LRGUK: variants seen among roughly 807,000 people sequenced by gnomAD.
The protein encoded by LRGUK is leucine-rich repeat and guanylate kinase domain-containing protein.
In LRGUK, 65 loss-of-function variants were observed where a neutral mutation model predicts 76.0. That is an observed-to-expected ratio of 0.85 (90% CI 0.70 to 1.05). The LOEUF (loss-of-function observed/expected upper bound fraction) is 1.05, where lower values mean the gene tolerates loss of function less well. LRGUK is among the 50% of genes least tolerant of loss of function. The pLI, the probability that LRGUK is intolerant of heterozygous loss-of-function variation, is 0.00. For missense variants in LRGUK, 758 were observed against 732.8 expected (o/e 1.03, Z -0.40); for synonymous variants, 268 against 265.6 (o/e 1.01, Z -0.09).
chr7:134,137,184 A>G (rs1797575872), intron 2 of LRGUK, 54 bp downstream of exon 2: 2 of 1,313,446 alleles, frequency 1.5e-6, no homozygotes, highest in South Asian at 1.3e-5. Flanking sequence ...TGGCTAGACC[A>G]TATTCATTTT....
chr7:134,262,355 C>A (rs1802750256), intron 19 of LRGUK, among the ~76,000 whole-genome samples: 1 of 152,112 alleles, frequency 6.6e-6, no homozygotes, highest in Admixed American at 6.6e-5. Context: ...GGCTGGGTGC[C>A]AAAGCGAGAC....
At chr7:134,187,295 T>C (rs1251776895) in intron 11 of LRGUK, among the ~76,000 whole-genome samples, 1 of 152,186 alleles carries the variant, frequency 6.6e-6, no homozygotes, top group African/African-American at 2.4e-5. Context: ...TTTTTAATTA[T>C]GTGAAAAGAA....
At chr7:134,197,918 A>C (rs572661717) in intron 13 of LRGUK, among the ~76,000 whole-genome samples, 1 of 152,370 alleles carries the variant, frequency 6.6e-6, no homozygotes, top group African/African-American at 2.4e-5. Flanking sequence ...GGAATTAAAA[A>C]AAAAGCAATT....
intron 19 of LRGUK, among the ~76,000 whole-genome samples, chr7:134,260,108 T>G (rs148194641): frequency 5.3e-5 from 8 of 152,254 alleles, no homozygotes; most frequent in African/African-American, 9.6e-5. Flanking sequence ...TGCACAATAT[T>G]GGGCAAATCA....
chr7:134,188,640 G>A (rs910452866), intron 11 of LRGUK, among the ~76,000 whole-genome samples: 1 of 152,128 alleles, frequency 6.6e-6, no homozygotes, highest in African/African-American at 2.4e-5. Context: ...CACTTAAATT[G>A]TGTCCAGCAA....
intron 1 of LRGUK, among the ~76,000 whole-genome samples, chr7:134,136,783 A>G (rs1184611771): frequency 6.6e-6 from 1 of 152,198 alleles, no homozygotes; most frequent in African/African-American, 2.4e-5. Flanking sequence ...TTGAATGCCT[A>G]ATGCAAGTGA....
At chr7:134,193,386 G>T (rs1226415070) in intron 12 of LRGUK, among the ~76,000 whole-genome samples, 1 of 152,152 alleles carries the variant, frequency 6.6e-6, no homozygotes, top group East Asian at 1.9e-4. Context: ...GTTAGAGTAT[G>T]AGGCAATTTT....
chr7:134,143,120 T>A (rs776318695), exon 4 of LRGUK: 2 of 1,610,688 alleles, frequency 1.2e-6, no homozygotes, highest in Non-Finnish European at 1.7e-6. Flanking sequence ...CTCAAAATAA[T>A]TTGACTACGT....
intron 5 of LRGUK, 150 bp from the exon 6 acceptor site, chr7:134,157,885 T>C: frequency 1.9e-6 from 1 of 532,444 alleles, no homozygotes; most frequent in South Asian, 3.9e-5. Flanking sequence ...AAAAATATAT[T>C]TCAGGATTAA....
At chr7:134,215,743 A>G (rs1445510494) in intron 15 of LRGUK, among the ~76,000 whole-genome samples, 8 of 152,182 alleles carry the variant, frequency 5.3e-5, no homozygotes, top group Non-Finnish European at 5.9e-5. Context: ...TTTATATACT[A>G]TGTAGCACAG....
intron 3 of LRGUK, chr7:134,141,645 G>A (rs1797770291): frequency 1.3e-5 from 2 of 152,174 alleles, no homozygotes; most frequent in African/African-American, 2.4e-5. Flanking sequence ...GCTTCAAGAA[G>A]GATCTCCATT....
At position 134,220,051 on chromosome 7, in the gene LRGUK, C is replaced by T. The variant is rs1771434038; in HGVS notation, c.1844-1728C>T. ...CCACAGGTCAAGAACTTTTTATTTA[C>T]TGCTGTATCCCCAGCATCTAGAGCA... On this transcript the variant is annotated intron_variant, in intron 15 of 19. Transcript: ENST00000285928. 4.6e-5 allele frequency among the ~76,000 whole-genome samples: 7 copies of T among 152,256 alleles called. No homozygotes were observed. The South Asian group carries it at 1.5e-3, about 32-fold the overall frequency.
downstream of LRGUK, among the ~76,000 whole-genome samples, chr7:134,211,147 C>A (rs531657760): frequency 6.6e-6 from 1 of 152,226 alleles, no homozygotes; most frequent in Non-Finnish European, 1.5e-5. Context: ...AGAAGGCAGC[C>A]AATCTGCACT....
intron 5 of LRGUK, among the ~76,000 whole-genome samples, chr7:134,151,175 A>G (rs1177563978): frequency 1.3e-5 from 2 of 152,198 alleles, no homozygotes; most frequent in African/African-American, 4.8e-5. Context: ...GCAAAAATAT[A>G]TCTAGATTAT....
exon 1 of LRGUK, chr7:134,127,578 G>C (rs1585399709): frequency 6.2e-7 from 1 of 1,614,194 alleles, no homozygotes; most frequent in East Asian, 2.2e-5. Context: ...CCGCTATCAG[G>C]AGCTGGACTC....
chr7:134,141,844 A>ATTT (rs1177015229), intron 3 of LRGUK: 1 of 152,212 alleles, frequency 6.6e-6, no homozygotes, highest in Non-Finnish European at 1.5e-5. Flanking sequence ...ATTCATTTCC[A>ATTT]ACAAAGTGTT....
In LRGUK at chr7:134,193,409, G is replaced by C. The variant is rs536027098; in HGVS notation, c.1431+1658G>C. ...ATGAGGCAATTTTTTTCTCACGTCA[G>C]TTCATCTGTTCTCAGTACCCCATCT... On this transcript the variant is annotated intron_variant, in intron 12 of 15. Coordinates refer to ENST00000645682, the Ensembl canonical transcript of LRGUK. Among the ~76,000 whole-genome samples, 5 of 152,190 alleles carry C rather than the reference G, an allele frequency of 3.3e-5. No homozygotes were observed. The South Asian group carries it at 1.0e-3, about 32-fold the overall frequency.
At chr7:134,155,005 C>T (rs965738144) in intron 5 of LRGUK, among the ~76,000 whole-genome samples, 1 of 152,132 alleles carries the variant, frequency 6.6e-6, no homozygotes, top group Admixed American at 6.5e-5. Flanking sequence ...GAGGCAGATA[C>T]CCACAAGCAG....
At chr7:134,132,117 A>C (rs1369618656) in intron 1 of LRGUK, among the ~76,000 whole-genome samples, 1 of 152,168 alleles carries the variant, frequency 6.6e-6, no homozygotes, top group Non-Finnish European at 1.5e-5. Flanking sequence ...GGAGCCAGAG[A>C]CAGGAAGATG....
Sources: allele counts gnomAD v4.1 joint callset (sites outside exome capture counted in the v4.1 genomes callset), GRCh38; gene constraint gnomAD v4.1.1; transcripts MANE v1.5; gene names NCBI Gene and HGNC (gene_info 2026-07-23, HGNC 2026-07-21).